The following UPK3A variants were observed in gnomAD, a reference collection of about 807,000 sequenced individuals.
The protein encoded by UPK3A is uroplakin 3A, also known as uroplakin-3a.
Under a neutral mutation model 27.6 loss-of-function variants are expected in UPK3A, and 32 were observed. That is an observed-to-expected ratio of 1.16 (90% confidence interval 0.87 to 1.55). The LOEUF is 1.55. Ranked by LOEUF, UPK3A falls within the 40% of genes most tolerant of loss-of-function variation. UPK3A has a pLI of 0.00. For synonymous variants in UPK3A, 171 were observed against 163.9 expected, an observed-to-expected ratio of 1.04 and a Z score of -0.33; for missense variants, 370 against 367.9, an observed-to-expected ratio of 1.01 and a Z score of -0.05.
At chr22:45,289,839 G>A (rs1178479834) in intron 4 of UPK3A, among the ~76,000 whole-genome samples, 1 of 152,076 alleles carries the variant, frequency 6.6e-6, no homozygotes, top group Non-Finnish European at 1.5e-5. Flanking sequence ...AGATCAAGGT[G>A]CAGGCCTTGG....
At chr22:45,295,433 T>G in intron 5 of UPK3A, 127 bp from the exon 6 acceptor site, 1 of 1,045,778 alleles carries the variant, frequency 9.6e-7, no homozygotes, top group East Asian at 2.4e-5. Flanking sequence ...GATGGATTGA[T>G]TGAATTCATG....
At chr22:45,290,191 C>T (rs2084150440) in intron 4 of UPK3A, among the ~76,000 whole-genome samples, 1 of 152,190 alleles carries the variant, frequency 6.6e-6, no homozygotes, top group South Asian at 2.1e-4. Context: ...GTCGAGTCTG[C>T]TGAATGACAG....
chr22:45,286,087 G>A lies in UPK3A; in HGVS notation c.199G>A (p.Val67Ile). Residue 67 changes from valine (V) to isoleucine (I), a missense_variant, in exon 2 of 6, where the codon GTC (valine) becomes ATC (isoleucine). By Grantham distance (29) the Val-to-Ile change is conservative. Transcript: ENST00000216211. ...GTHEVYLYVL[V>I]DSAISRNASV... is the part of the protein sequence containing the mutation. Reference sequence around the variant, plus strand: ...CCACGAGGTCTACCTGTATGTCCTGGTCGACTCAGGTAAGGGTCCTGCTTC... The same window carrying A: ...CCACGAGGTCTACCTGTATGTCCTGATCGACTCAGGTAAGGGTCCTGCTTC... 1.2e-6 allele frequency: 2 copies of A among 1,614,124 alleles called. No homozygotes were observed. The highest frequency in any genetic ancestry group is 1.7e-6 in the Non-Finnish European group (2 of 1,179,994).
At position 45,295,782 on chromosome 22, in the gene UPK3A, G is replaced by T; in HGVS notation, c.*63G>T. ...TGGCCTTGCCCCAGGCCCTGCAGCG[G>T]TGGTTGTCACACCCTGACTTCAGGG... On this transcript the variant is annotated 3_prime_UTR_variant, in exon 6 of 6. Coordinates refer to ENST00000216211, the MANE Select transcript of UPK3A (RefSeq NM_006953.4). 1 of 1,598,936 alleles carries T rather than the reference G, an allele frequency of 6.3e-7. No individual in the cohort carries two copies. The highest frequency in any genetic ancestry group is 8.5e-7 in the Non-Finnish European group (1 of 1,171,678).
In UPK3A at chr22:45,295,548, C is replaced by G. The variant is rs758076479; in HGVS notation, c.705-12C>G. 3 of 1,614,080 alleles carry G rather than the reference C, an allele frequency of 1.9e-6. No individual in the cohort carries two copies. Among genetic ancestry groups the G allele is most frequent in the Non-Finnish European group, 2.5e-6 (3 of 1,180,040 alleles). ...GTCCCCTAATCCTGGGTCTTTCCATCCCCTTGGACAGGGACATGGGGAGTT... is the reference window on the plus strand; with the variant it reads ...GTCCCCTAATCCTGGGTCTTTCCATGCCCTTGGACAGGGACATGGGGAGTT... On this transcript the variant is annotated splice_polypyrimidine_tract_variant and intron_variant, in intron 5 of 5. Coordinates refer to ENST00000216211, the MANE Select transcript of UPK3A (RefSeq NM_006953.4).
chr22:45,287,585 C>A, intron 3 of UPK3A, 134 bp downstream of exon 3: 2 of 1,125,552 alleles, frequency 1.8e-6, no homozygotes, highest in Non-Finnish European at 2.6e-6. Context: ...TCCAGGCAGG[C>A]CACGCTGAGC....
chr22:45,293,076 C>T (rs754698374), intron 4 of UPK3A, 105 bp from the exon 5 acceptor site: 16 of 1,552,178 alleles, frequency 1.0e-5, no homozygotes, highest in Non-Finnish European at 1.2e-5. Flanking sequence ...CAGGGTCATC[C>T]CTGGATCCCC....
At chr22:45,295,171 A>C (rs889131846) in intron 5 of UPK3A, among the ~76,000 whole-genome samples, 1 of 151,798 alleles carries the variant, frequency 6.6e-6, no homozygotes, top group Non-Finnish European at 1.5e-5. Flanking sequence ...CCCAGCCCAC[A>C]CACCTTCTTT....
Position 45,295,647 on chromosome 22 carries a change from T to C in UPK3A, c.792T>C (p.Ser264=). 1 of 1,613,922 alleles carries C rather than the reference T, an allele frequency of 6.2e-7. No individual in the cohort carries two copies. Among genetic ancestry groups the C allele is most frequent in the Non-Finnish European group, 8.5e-7 (1 of 1,180,004 alleles). Reference sequence around the variant, plus strand: ...CCAAGTCGCTGGGGGCCTCGGAGTCTTCCTACACGTCCGTGAACCGGGGGC... The same window carrying C: ...CCAAGTCGCTGGGGGCCTCGGAGTCCTCCTACACGTCCGTGAACCGGGGGC... ...AVPKSLGASE[S]SYTSVNRGPP... is the part of the protein sequence containing the mutation. Residue 264 remains serine, a synonymous_variant, in exon 6 of 6, where the codon TCT becomes TCC. Coordinates refer to ENST00000216211, the MANE Select transcript of UPK3A (RefSeq NM_006953.4).
intron 4 of UPK3A, among the ~76,000 whole-genome samples, chr22:45,292,509 C>T (rs890111091): frequency 9.9e-5 from 15 of 152,242 alleles, no homozygotes; most frequent in African/African-American, 3.6e-4. Context: ...CCACCGTCCA[C>T]CTGGCCCCGT....
chr22:45,288,200 C>CTTT (rs71656956), intron 3 of UPK3A, among the ~76,000 whole-genome samples: 89 of 146,720 alleles, frequency 6.1e-4, no homozygotes, highest in African/African-American at 2.1e-3. Context: ...TCAACTTCTG[C>CTTT]TTTTTTTTTT....
chr22:45,291,775 GGTGTGTGAGAGTGTGGCAATGTGT>G (rs1187419777), intron 4 of UPK3A, among the ~76,000 whole-genome samples: 3 of 149,366 alleles, frequency 2.0e-5, no homozygotes, highest in Non-Finnish European at 4.5e-5. Flanking sequence ...CGTGGTGTGT[GGTGTGTGAGAGTGTGGCAATGTGT>G]GTGTGTGTAA....
chr22:45,285,897 C>T (rs753267408), intron 1 of UPK3A, 44 bp from the exon 2 acceptor site: 57 of 1,612,212 alleles, frequency 3.5e-5, no homozygotes, highest in Admixed American at 5.0e-5. Context: ...TGGGTGTGGA[C>T]AGTTCTGCCG....
chr22:45,289,234 C>A, intron 4 of UPK3A, 91 bp downstream of exon 4: 1 of 1,315,328 alleles, frequency 7.6e-7, no homozygotes, highest in Non-Finnish European at 1.1e-6. Context: ...TCCTCTGTCC[C>A]TGTGAAAGCC....
chr22:45,285,011 G>T lies in UPK3A; in HGVS notation c.-3G>T. On this transcript the variant is annotated 5_prime_UTR_variant, in exon 1 of 6. Coordinates refer to ENST00000216211, the MANE Select transcript of UPK3A (RefSeq NM_006953.4). Reference sequence around the variant, plus strand: ...CCCGCGCTCTGGCGGCTCCTCCCGGGCGATGCCTCCGCTCTGGGCCCTGCT... The same window carrying T: ...CCCGCGCTCTGGCGGCTCCTCCCGGTCGATGCCTCCGCTCTGGGCCCTGCT... 3 of 1,531,392 alleles carry T rather than the reference G, an allele frequency of 2.0e-6. No homozygotes were observed. The South Asian group carries it at 3.6e-5, about 18-fold the overall frequency. 94.9% of individuals were successfully genotyped at this position (1,531,392 alleles called of 1,614,324 possible).
chr22:45,293,111 C>T (rs544779848), intron 4 of UPK3A, 70 bp from the exon 5 acceptor site: 5 of 1,598,254 alleles, frequency 3.1e-6, no homozygotes, highest in Admixed American at 1.7e-5. Context: ...GGGAGACACC[C>T]GCCGCCTCCT....
chr22:45,284,981 C>T lies in UPK3A; in HGVS notation c.-33C>T, dbSNP rs779904889. 124 of 1,527,516 alleles carry T rather than the reference C, an allele frequency of 8.1e-5. 1 individual carries two copies. Among genetic ancestry groups the T allele is most frequent in the South Asian group, 4.1e-4 (34 of 83,542 alleles). The allele number at this position is 1,527,516 out of a possible 1,614,324, so 94.6% of individuals were successfully genotyped here. ...GTGCCCGCGCCTGCTCGCTGGACCG[C>T]CCGCCCCGCGCTCTGGCGGCTCCTC... On this transcript the variant is annotated 5_prime_UTR_variant, in exon 1 of 6. Coordinates refer to ENST00000216211, the MANE Select transcript of UPK3A (RefSeq NM_006953.4).
chr22:45,289,372 G>A (rs1055722956), intron 4 of UPK3A, among the ~76,000 whole-genome samples: 2 of 151,902 alleles, frequency 1.3e-5, no homozygotes, highest in East Asian at 1.9e-4. Flanking sequence ...TCAGGAGATC[G>A]AGACCATCCT....
intron 3 of UPK3A, among the ~76,000 whole-genome samples, chr22:45,288,603 G>A (rs1006693757): frequency 7.2e-5 from 11 of 152,244 alleles, no homozygotes; most frequent in African/African-American, 2.4e-4. Flanking sequence ...AAACTGTTGG[G>A]ATTACAGGCG....
Sources: gnomAD v4.1 joint callset for allele counts (sites outside exome capture counted in the v4.1 genomes callset) on GRCh38, gnomAD v4.1.1 for gene constraint, MANE v1.5 for transcripts, NCBI Gene and HGNC (gene_info 2026-07-23, HGNC 2026-07-21) for gene names.